The following PDE5A variants were observed in gnomAD, a reference collection of about 807,000 sequenced individuals.
The protein encoded by PDE5A is cGMP-specific 3',5'-cyclic phosphodiesterase.
A neutral mutation model predicts 110.2 loss-of-function variants in PDE5A; 67 were observed. The observed-to-expected ratio is 0.61, with a 90% CI of 0.50 to 0.75. The LOEUF is 0.75. Ranked by LOEUF, PDE5A falls within the 30% of genes least tolerant of loss-of-function variation. The pLI, the probability that PDE5A is intolerant of heterozygous loss-of-function variation, is 0.00. For missense variants in PDE5A, 862 were observed against 1,045.1 expected (o/e 0.82, Z 2.42); for synonymous variants, 328 against 351.2 (o/e 0.93, Z 0.74).
At position 119,518,915 on chromosome 4, in the gene PDE5A, A is replaced by C; in HGVS notation, c.2000+130T>G. On this transcript the variant is annotated intron_variant, in intron 14 of 20. Coordinates refer to ENST00000354960, the MANE Select transcript of PDE5A (RefSeq NM_001083.4). ...ATACTTAACCTGCATTATTTTTTCC[A>C]TTTCCTTTAAATATAACCAGAGTAT... 4 of 598,552 alleles carry C rather than the reference A, an allele frequency of 6.7e-6. No individual in the cohort carries two copies. In the South Asian group the frequency reaches 9.8e-5, roughly 15 times the overall value. 37.1% of individuals were successfully genotyped at this position (598,552 alleles called of 1,614,324 possible). A position where few individuals can be genotyped will look rare whatever the true frequency, so the allele number is the denominator to read the frequency against.
intron 6 of PDE5A, among the ~76,000 whole-genome samples, chr4:119,560,656 A>G (rs1460132778): frequency 6.6e-6 from 1 of 152,126 alleles, no homozygotes; most frequent in African/African-American, 2.4e-5. Flanking sequence ...TAGTTTCAAA[A>G]TTTTTTACAC....
intron 7 of PDE5A, among the ~76,000 whole-genome samples, chr4:119,557,131 G>A (rs1377575671): frequency 6.6e-6 from 1 of 152,134 alleles, no homozygotes; most frequent in African/African-American, 2.4e-5. Context: ...AGCACACTAG[G>A]GACACTAAAG....
intron 20 of PDE5A, chr4:119,500,336 A>G (rs1466889029): frequency 7.2e-6 from 1 of 139,322 alleles, no homozygotes; most frequent in Non-Finnish European, 1.6e-5. Context: ...AGTTCTTTAT[A>G]TTAAATTCTT....
At chr4:119,513,117 A>C (rs1441864497) in intron 14 of PDE5A, 3 of 152,164 alleles carry the variant, frequency 2.0e-5, no homozygotes, top group South Asian at 2.1e-4. Context: ...ACGCTTTAAC[A>C]GACTTCATGC....
chr4:119,507,746 C>T (rs200266908), intron 15 of PDE5A, 42 bp from the exon 16 acceptor site: 3 of 1,301,024 alleles, frequency 2.3e-6, no homozygotes, highest in Admixed American at 2.1e-5. Flanking sequence ...CCTGGAGAAG[C>T]TGCTGACAAG....
intron 7 of PDE5A, among the ~76,000 whole-genome samples, chr4:119,559,104 T>C (rs1287867732): frequency 6.6e-6 from 1 of 152,158 alleles, no homozygotes; most frequent in Non-Finnish European, 1.5e-5. Context: ...ACTAAGACTG[T>C]CTTGGAATCA....
At chr4:119,546,347 A>C (rs116458374) in intron 9 of PDE5A, among the ~76,000 whole-genome samples, 315 of 152,238 alleles carry the variant, frequency 2.1e-3, no homozygotes, top group Non-Finnish European at 3.2e-3. Context: ...TCTTTCATTC[A>C]AAAGTATCTT....
intron 13 of PDE5A, 81 bp from the exon 14 acceptor site, chr4:119,519,220 CT>C (rs1337433269): frequency 4.7e-5 from 47 of 1,006,482 alleles, no homozygotes; most frequent in South Asian, 5.3e-5. Flanking sequence ...TTTCAGTAAT[CT>C]TTTTTTTCCC....
intron 3 of PDE5A, among the ~76,000 whole-genome samples, chr4:119,572,996 C>G (rs1402580032): frequency 2.6e-5 from 4 of 152,128 alleles, no homozygotes; most frequent in Admixed American, 6.5e-5. Context: ...GTACTTTTAT[C>G]TTTCAAAAAG....
intron 1 of PDE5A, among the ~76,000 whole-genome samples, chr4:119,610,723 C>A (rs1578826189): frequency 6.6e-6 from 1 of 152,180 alleles, no homozygotes; most frequent in South Asian, 2.1e-4. Context: ...CTTCAACTCT[C>A]ACATTCAGTT....
rs377064099 is a variant in PDE5A, at chr4:119,595,100, A to G, written c.831+1423T>C. 1.7e-4 allele frequency among the ~76,000 whole-genome samples: 26 copies of G among 152,362 alleles called. 1 individual carries two copies. The highest frequency in any genetic ancestry group is 6.2e-4 in the South Asian group (3 of 4,834). On this transcript the variant is annotated intron_variant, in intron 3 of 20. Transcript: ENST00000354960. ...TAGGCATTACTTCAAAATCTGAATC[A>G]TGGTGCATGCAGGTAGCACGAATAA...
chr4:119,582,174 C>T (rs964439227), intron 3 of PDE5A, among the ~76,000 whole-genome samples: 2 of 152,166 alleles, frequency 1.3e-5, no homozygotes, highest in Non-Finnish European at 2.9e-5. Flanking sequence ...CTTTTCAAGG[C>T]GTGCCACTGC....
chr4:119,614,971 T>C (rs566988012), intron 1 of PDE5A, among the ~76,000 whole-genome samples: 14 of 152,160 alleles, frequency 9.2e-5, no homozygotes, highest in African/African-American at 3.4e-4. Flanking sequence ...TTCAGCAGAG[T>C]ATAAAGTCAG....
intron 7 of PDE5A, among the ~76,000 whole-genome samples, chr4:119,555,094 C>T (rs1056861600): frequency 5.3e-5 from 8 of 152,150 alleles, no homozygotes; most frequent in Admixed American, 2.0e-4. Flanking sequence ...CGTCCTTCAG[C>T]GCTAGTGATT....
chr4:119,521,119 A>G (rs572038022), intron 12 of PDE5A, 59 bp from the exon 13 acceptor site: 3 of 1,540,104 alleles, frequency 1.9e-6, no homozygotes, highest in Admixed American at 3.4e-5. Flanking sequence ...CACATTTACT[A>G]TGTTCCAGAC....
chr4:119,551,996 AAT>A (rs1727371846), intron 9 of PDE5A: 1 of 152,170 alleles, frequency 6.6e-6, no homozygotes, highest in Non-Finnish European at 1.5e-5. Flanking sequence ...CCAGGAAACA[AAT>A]ATGTCAATAA....
At chr4:119,620,675 C>A (rs1354001344) in intron 1 of PDE5A, among the ~76,000 whole-genome samples, 3 of 152,068 alleles carry the variant, frequency 2.0e-5, no homozygotes, top group Admixed American at 6.6e-5. Flanking sequence ...TATATTTTCA[C>A]AATAATCATA....
At chr4:119,578,465 G>A (rs1728458459) in intron 3 of PDE5A, among the ~76,000 whole-genome samples, 1 of 152,166 alleles carries the variant, frequency 6.6e-6, no homozygotes, top group South Asian at 2.1e-4. Flanking sequence ...AACCAAAACA[G>A]CATGGTACTG....
chr4:119,499,972 G>GTATATA lies in PDE5A; in HGVS notation c.2490+1192_2490+1197dup, dbSNP rs71595397. On this transcript the variant is annotated intron_variant, in intron 20 of 20. Coordinates refer to ENST00000354960, the MANE Select transcript of PDE5A (RefSeq NM_001083.4). ...AAATAAAATGAATCCTTGTGTGTGT[G>GTATATA]TATATATATATATATAAATGTAGAA... is the stretch of plus-strand genomic sequence containing the variant. 13 of 149,904 alleles carry GTATATA rather than the reference G, an allele frequency of 8.7e-5. No individual in the cohort carries two copies. The South Asian group carries it at 1.5e-3, about 17-fold the overall frequency. 9.3% of individuals were successfully genotyped at this position (149,904 alleles called of 1,614,324 possible).
Sources: gnomAD v4.1 joint callset for allele counts (sites outside exome capture counted in the v4.1 genomes callset) on GRCh38, gnomAD v4.1.1 for gene constraint, MANE v1.5 for transcripts, NCBI Gene and HGNC (gene_info 2026-07-23, HGNC 2026-07-21) for gene names.